ATG2B: variants seen among roughly 807,000 people sequenced by gnomAD.
ATG2B encodes autophagy related 2B.
Under a neutral mutation model 241.3 loss-of-function variants are expected in ATG2B, and 121 were observed. That is an observed-to-expected ratio of 0.50 (90% CI 0.43 to 0.58). The LOEUF is 0.58. ATG2B is among the 20% of genes least tolerant of loss of function. ATG2B has a pLI of 0.00. For synonymous variants in ATG2B, 858 were observed against 876.6 expected, an observed-to-expected ratio of 0.98 and a Z score of 0.37; for missense variants, 2,306 against 2,491.6, an observed-to-expected ratio of 0.93 and a Z score of 1.59.
Position 96,306,008 on chromosome 14 carries a change from G to A in ATG2B, c.4507-193C>T, listed in dbSNP as rs554354618. Among the ~76,000 whole-genome samples the A allele has an allele frequency of 8.5e-5, 13 of 152,184 alleles. No individual in the cohort carries two copies. The South Asian group carries it at 1.7e-3, about 19-fold the overall frequency. ...ATTAACCATAAAATAAACTCTCTTT[G>A]TTCTACGTAAACCACTCCATAAGGA... On this transcript the variant is annotated intron_variant, in intron 30 of 41. Transcript: ENST00000359933.
chr14:96,322,475 C>G, intron 17 of ATG2B, 65 bp downstream of exon 17: 1 of 1,481,388 alleles, frequency 6.8e-7, no homozygotes, highest in Non-Finnish European at 9.0e-7. Context: ...AATAAAAAAT[C>G]AAAAGCATTG....
chr14:96,346,354 C>T (rs962257711), intron 2 of ATG2B, among the ~76,000 whole-genome samples: 4 of 152,068 alleles, frequency 2.6e-5, no homozygotes, highest in Admixed American at 6.6e-5. Flanking sequence ...TAATGGAATG[C>T]TTTAAAGAGA....
chr14:96,336,186 A>T (rs1887865053), intron 6 of ATG2B, among the ~76,000 whole-genome samples: 1 of 152,098 alleles, frequency 6.6e-6, no homozygotes, highest in African/African-American at 2.4e-5. Flanking sequence ...ATCTTTCATA[A>T]CATTTTGAAT....
chr14:96,361,901 T>C (rs1231688619), intron 1 of ATG2B, among the ~76,000 whole-genome samples: 1 of 152,160 alleles, frequency 6.6e-6, no homozygotes, highest in East Asian at 1.9e-4. Context: ...ATTTCCATAA[T>C]TTAAGATTTT....
chr14:96,323,923 G>GT lies in ATG2B; in HGVS notation c.2512dup (p.Thr838AsnfsTer5). 6.2e-7 allele frequency: 1 copy of GT among 1,611,532 alleles called. No homozygotes were observed. Among genetic ancestry groups the GT allele is most frequent in the Non-Finnish European group, 8.5e-7 (1 of 1,178,850 alleles). On this transcript the variant is annotated frameshift_variant, in exon 16 of 42. Transcript: ENST00000359933. LOFTEE classifies it high-confidence loss of function. ...TGGCCAGTCAAAGTCATCTGACGAT[G>GT]TTGTATCTCCATCTACTCCACTAGA...
intron 10 of ATG2B, among the ~76,000 whole-genome samples, chr14:96,331,994 C>A (rs1426219080): frequency 1.3e-5 from 2 of 151,906 alleles, no homozygotes; most frequent in Non-Finnish European, 2.9e-5. Context: ...GGTTCTCTTC[C>A]AAGGAAAATG....
chr14:96,289,970 T>G lies in ATG2B; in HGVS notation c.5857-165A>C. Reference sequence around the variant, plus strand: ...TTCTTTACCACAAGAATTGATGACTTTTATAACGAGAACATAAAAGTATAA... The same window carrying G: ...TTCTTTACCACAAGAATTGATGACTGTTATAACGAGAACATAAAAGTATAA... On this transcript the variant is annotated intron_variant, in intron 40 of 41. Coordinates refer to ENST00000359933, the MANE Select transcript of ATG2B (RefSeq NM_018036.7). This position sits in a 1 kb window ranked among gnomAD's most constrained non-coding sequence, Gnocchi z 4.3. 4.2e-6 allele frequency: 2 copies of G among 479,990 alleles called. No individual in the cohort carries two copies. The highest frequency in any genetic ancestry group is 9.1e-5 in the South Asian group (1 of 11,042). 29.7% of individuals were successfully genotyped at this position (479,990 alleles called of 1,614,324 possible). A position where few individuals can be genotyped will look rare whatever the true frequency, so the allele number is the denominator to read the frequency against.
chr14:96,306,798 G>A lies in ATG2B; in HGVS notation c.4422C>T (p.His1474=), dbSNP rs1886961801. 2 of 1,613,988 alleles carry A rather than the reference G, an allele frequency of 1.2e-6. No individual in the cohort carries two copies. Among genetic ancestry groups the A allele is most frequent in the South Asian group, 1.1e-5 (1 of 91,068 alleles). ...CTGTCATTGCATCACTGATGAAATG[G>A]TGAGAGAATGAGGCATAGGTGGGGC... ...ESGPTYASFS[H]HFISDAMTGV... The change falls in exon 30 of 42, where the codon CAC becomes CAT. Residue 1474 remains histidine (H), a synonymous_variant. Coordinates refer to ENST00000359933, the MANE Select transcript of ATG2B (RefSeq NM_018036.7).
intron 16 of ATG2B, 29 bp downstream of exon 16, chr14:96,323,867 C>T: frequency 7.3e-7 from 1 of 1,372,246 alleles, no homozygotes; most frequent in Non-Finnish European, 1.0e-6. Context: ...AAGGAAAATC[C>T]TATTAAACCT....
intron 1 of ATG2B, 99 bp from the exon 2 acceptor site, chr14:96,347,440 C>T: frequency 1.1e-6 from 1 of 892,790 alleles, no homozygotes; most frequent in South Asian, 2.7e-5. Context: ...ATGTTAGGCA[C>T]TAGGTATAAA....
rs1443070818 is a variant in ATG2B, at chr14:96,299,070, A to G, written c.5139+2937T>C. Among the ~76,000 whole-genome samples the G allele has an allele frequency of 5.9e-5, 9 of 152,214 alleles. No homozygotes were observed. In the East Asian group the frequency reaches 1.3e-3, roughly 23 times the overall value. On this transcript the variant is annotated intron_variant, in intron 34 of 41. Transcript: ENST00000359933. ...TGTCATACTCAAGCAATGAAGCAAT[A>G]ATGATGAAAAACACAATTGTGCAAA...
In ATG2B at chr14:96,285,882, G is replaced by A. The variant is rs149927045; in HGVS notation, c.6110C>T (p.Pro2037Leu). 5.3e-4 allele frequency: 854 copies of A among 1,614,072 alleles called. 3 individuals carry two copies. The highest frequency in any genetic ancestry group is 6.1e-4 in the Non-Finnish European group (719 of 1,180,018). Reference sequence around the variant, plus strand: ...AACAATCAGAGGTTTCACCACTGCCGGAGGAATCTGGCGCAGAACCTCGCC... The same window carrying A: ...AACAATCAGAGGTTTCACCACTGCCAGAGGAATCTGGCGCAGAACCTCGCC... ...AVGEVLRQIP[P>L]AVVKPLIVAT... Residue 2037 changes from proline to leucine, a missense_variant, in exon 42 of 42, where the codon CCG (proline) becomes CTG (leucine). Pro to Leu is a moderately conservative substitution (Grantham distance 98, BLOSUM62 -3). This residue lies in a region of ATG2B where 379 missense variants were observed against 480.4 expected (regional missense o/e 0.79). Transcript: ENST00000359933. The surrounding 1 kb of genome is among the most constrained non-coding windows in gnomAD (Gnocchi z 4.2).
Position 96,284,198 on chromosome 14 carries a change from C to T in ATG2B, c.*1557G>A, listed in dbSNP as rs1440549869. On this transcript the variant is annotated 3_prime_UTR_variant, in exon 42 of 42. Transcript: ENST00000359933. ...GAGGCGCCTTCCCGGTAACACAGCA[C>T]GCCTTCCTGTTAGTGTGTCGCCAGG... 2.6e-5 allele frequency: 4 copies of T among 152,202 alleles called. No homozygotes were observed. The highest frequency in any genetic ancestry group is 4.4e-5 in the Non-Finnish European group (3 of 68,050). The allele number at this position is 152,202 out of a possible 1,614,324, so 9.4% of individuals were successfully genotyped here. A position where few individuals can be genotyped will look rare whatever the true frequency, so the allele number is the denominator to read the frequency against.
intron 1 of ATG2B, among the ~76,000 whole-genome samples, chr14:96,355,473 G>T (rs922975525): frequency 1.3e-5 from 2 of 152,092 alleles, no homozygotes; most frequent in African/African-American, 4.8e-5. Context: ...AACAGCATAT[G>T]TTCAGGTTAC....
At chr14:96,315,693 T>C (rs1363897274) in intron 21 of ATG2B, 110 bp from the exon 22 acceptor site, 3 of 779,284 alleles carry the variant, frequency 3.8e-6, no homozygotes, top group Non-Finnish European at 6.3e-6. Context: ...GAATATAACT[T>C]AAGGAGGCAT....
At chr14:96,353,144 G>A (rs896216923) in intron 1 of ATG2B, among the ~76,000 whole-genome samples, 1 of 152,130 alleles carries the variant, frequency 6.6e-6, no homozygotes, top group African/African-American at 2.4e-5. Flanking sequence ...GCAATAGGCT[G>A]TACCCTATAG....
At position 96,285,459 on chromosome 14, in the gene ATG2B, C is replaced by T. The variant is rs1302982893; in HGVS notation, c.*296G>A. 5 of 362,702 alleles carry T rather than the reference C, an allele frequency of 1.4e-5. No individual in the cohort carries two copies. Among genetic ancestry groups the T allele is most frequent in the African/African-American group, 6.1e-5 (3 of 48,908 alleles). The allele number at this position is 362,702 out of a possible 1,614,324, so 22.5% of individuals were successfully genotyped here. ...AAGGCAGCTTCCAATGATCTCTCGT[C>T]GGTAACAAGGAGAATTACAGTCATC... On this transcript the variant is annotated 3_prime_UTR_variant, in exon 42 of 42. Coordinates refer to ENST00000359933, the MANE Select transcript of ATG2B (RefSeq NM_018036.7). This position sits in a 1 kb window ranked among gnomAD's most constrained non-coding sequence, Gnocchi z 4.2.
At chr14:96,354,988 G>T (rs1343477088) in intron 1 of ATG2B, among the ~76,000 whole-genome samples, 3 of 152,198 alleles carry the variant, frequency 2.0e-5, no homozygotes, top group East Asian at 3.9e-4. Flanking sequence ...TTTTAATGGG[G>T]TTGTTTTTTT....
Position 96,295,576 on chromosome 14 carries a change from G to A in ATG2B, c.5140-16C>T, listed in dbSNP as rs764260045. 6.5e-7 allele frequency: 1 copy of A among 1,537,216 alleles called. No homozygotes were observed. The highest frequency in any genetic ancestry group is 8.9e-7 in the Non-Finnish European group (1 of 1,128,310). On this transcript the variant is annotated splice_polypyrimidine_tract_variant and intron_variant, in intron 34 of 41. Coordinates refer to ENST00000359933, the MANE Select transcript of ATG2B (RefSeq NM_018036.7). ...ACAAAGCATCCTAAAATTAAGAGAT[G>A]TAATTTTAACTAAGGAAGAAAAGAA...
Sources: gnomAD v4.1 joint callset for allele counts (sites outside exome capture counted in the v4.1 genomes callset) on GRCh38, gnomAD v4.1.1 for gene constraint, gnomAD v4.1.1 regional missense constraint, Gnocchi (gnomAD v3.1) non-coding constraint, MANE v1.5 for transcripts, NCBI Gene and HGNC (gene_info 2026-07-23, HGNC 2026-07-21) for gene names.